The following AGBL1 variants were observed in gnomAD, a reference collection of about 807,000 sequenced individuals.
AGBL1 encodes the protein cytosolic carboxypeptidase 4.
A neutral mutation model predicts 118.9 loss-of-function variants in AGBL1; 130 were observed. The observed-to-expected ratio is 1.09, with a 90% CI of 0.95 to 1.26. The LOEUF is 1.26. AGBL1 is among the 50% of genes most tolerant of loss of function. AGBL1 has a pLI of 0.00. For missense variants in AGBL1, 1,584 were observed against 1,298.1 expected, an observed-to-expected ratio of 1.22 and a Z score of -3.38; for synonymous variants, 555 against 478.9, an observed-to-expected ratio of 1.16 and a Z score of -2.08.
Position 86,791,728 on chromosome 15 carries a change from T to TTATATATA in AGBL1, c.3159-115343_3159-115336dup, listed in dbSNP as rs3059670. Among the ~76,000 whole-genome samples, 239 of 142,890 alleles carry TTATATATA rather than the reference T, an allele frequency of 1.7e-3. 1 individual carries two copies. Among genetic ancestry groups the TTATATATA allele is most frequent in the East Asian group, 0.016 (78 of 4,874 alleles). The allele number at this position is 142,890 out of a possible 152,430, so 93.7% of individuals were successfully genotyped here. Reference sequence around the variant, plus strand: ...TTCTGAACTCATCTTTCCTTGTTTTTTATATATATATATATATATATATTT... The same window carrying TTATATATA: ...TTCTGAACTCATCTTTCCTTGTTTTTTATATATATATATATATATATATATATATATTT... On this transcript the variant is annotated intron_variant, in intron 22 of 22. Coordinates refer to ENST00000614907, the MANE Select transcript of AGBL1 (RefSeq NM_001386094.1).
At position 86,939,702 on chromosome 15, in the gene AGBL1, T is replaced by C. The variant is rs1012781402; in HGVS notation, c.3222-48285T>C. The stretch of plus-strand genomic sequence containing the variant: ...GTTTCCCTGCAGATATGCCAACTTA[T>C]GTGAGTTTGGGTAAGCATTTATCCT... On this transcript the variant is annotated intron_variant, in intron 23 of 24. Coordinates refer to the AGBL1 transcript ENST00000441037. 5.9e-5 allele frequency: 9 copies of C among 152,370 alleles called. No homozygotes were observed. In the South Asian group the frequency reaches 1.4e-3, roughly 25 times the overall value. 9.4% of individuals were successfully genotyped at this position (152,370 alleles called of 1,614,324 possible). A position where few individuals can be genotyped will look rare whatever the true frequency, so the allele number is the denominator to read the frequency against.
At chr15:86,436,296 G>A (rs1457630234) in intron 18 of AGBL1, among the ~76,000 whole-genome samples, 1 of 151,800 alleles carries the variant, frequency 6.6e-6, no homozygotes, top group Admixed American at 6.6e-5. Context: ...AGGTGGGGGA[G>A]AAAGGGCAGG....
chr15:86,079,726 C>T, upstream of AGBL1: 1 of 349,804 alleles, frequency 2.9e-6, no homozygotes, highest in African/African-American at 2.1e-5. Flanking sequence ...CCCACCCCTG[C>T]ACCCAAATGC....
rs530516969 is a variant in AGBL1, at chr15:86,968,036, C to T, written c.3222-19951C>T. ...GTTTGTTGTTCTCCTTGAAGAGGTC[C>T]GGGATTGAATCATTTCAAACAAAAT... On this transcript the variant is annotated intron_variant, in intron 23 of 24. Transcript: ENST00000441037. Among the ~76,000 whole-genome samples the T allele has an allele frequency of 1.6e-4, 25 of 151,968 alleles. 1 individual carries two copies. Among genetic ancestry groups the T allele is most frequent in the South Asian group, 4.2e-4 (2 of 4,818 alleles).
intron 23 of AGBL1, chr15:86,934,998 T>C (rs1049630525): frequency 2.0e-5 from 3 of 152,234 alleles, no homozygotes; most frequent in African/African-American, 7.2e-5. Context: ...AAATGTAGCA[T>C]TTAAGTTAAA....
chr15:86,927,848 A>G lies in AGBL1; in HGVS notation c.3222-60139A>G, dbSNP rs1401895920. Among the ~76,000 whole-genome samples, 3 of 152,156 alleles carry G rather than the reference A, an allele frequency of 2.0e-5. No homozygotes were observed. The South Asian group carries it at 6.2e-4, about 32-fold the overall frequency. On this transcript the variant is annotated intron_variant, in intron 23 of 24. Coordinates refer to the AGBL1 transcript ENST00000441037. ...ACAAACCTAGGTTGCAATATTGTGT[A>G]TTACCTGACCTCACCCTTCCCTTTA... is the stretch of plus-strand genomic sequence containing the variant.
intron 7 of AGBL1, among the ~76,000 whole-genome samples, chr15:86,248,807 A>G (rs1236362129): frequency 3.9e-5 from 6 of 152,212 alleles, no homozygotes; most frequent in South Asian, 2.1e-4. Context: ...TGTGAAATCA[A>G]TGAAGTAAGG....
chr15:86,306,616 G>T (rs1364019753), intron 17 of AGBL1, among the ~76,000 whole-genome samples: 1 of 152,132 alleles, frequency 6.6e-6, no homozygotes, highest in Non-Finnish European at 1.5e-5. Flanking sequence ...AAACAGTGCT[G>T]CAATGAACAT....
At chr15:86,285,069 A>T (rs1420639216) in intron 16 of AGBL1, among the ~76,000 whole-genome samples, 1 of 152,084 alleles carries the variant, frequency 6.6e-6, no homozygotes, top group African/African-American at 2.4e-5. Context: ...TCCCCACAAT[A>T]TCCAATTAGG....
At chr15:86,258,242 CATT>C (rs2078928672) in intron 9 of AGBL1, among the ~76,000 whole-genome samples, 1 of 152,190 alleles carries the variant, frequency 6.6e-6, no homozygotes, top group African/African-American at 2.4e-5. Flanking sequence ...TACAATGTCT[CATT>C]ATAAAGTCAG....
chr15:86,100,423 T>A (rs1896643296), intron 1 of AGBL1, among the ~76,000 whole-genome samples: 1 of 152,178 alleles, frequency 6.6e-6, no homozygotes, highest in Non-Finnish European at 1.5e-5. Context: ...TTTGGTAGAA[T>A]TCAGCAGTGA....
At chr15:86,647,174 CTTAATT>C (rs2085294690) in intron 21 of AGBL1, among the ~76,000 whole-genome samples, 1 of 151,882 alleles carries the variant, frequency 6.6e-6, no homozygotes, top group Non-Finnish European at 1.5e-5. Flanking sequence ...GTTTAAAAAT[CTTAATT>C]TTAATATCTT....
intron 6 of AGBL1, among the ~76,000 whole-genome samples, chr15:86,240,245 G>A (rs549717157): frequency 4.9e-4 from 74 of 152,292 alleles, no homozygotes; most frequent in African/African-American, 1.6e-3. Context: ...GAGCACATAG[G>A]AAATATTTAG....
At chr15:86,146,873 A>AT (rs1235345403) in intron 3 of AGBL1, among the ~76,000 whole-genome samples, 3 of 152,200 alleles carry the variant, frequency 2.0e-5, no homozygotes, top group Non-Finnish European at 4.4e-5. Context: ...CCAGAGGTAC[A>AT]TATCAGTAAA....
intron 22 of AGBL1, among the ~76,000 whole-genome samples, chr15:86,826,714 G>A (rs139140848): frequency 3.7e-4 from 56 of 152,240 alleles, no homozygotes; most frequent in African/African-American, 1.3e-3. Context: ...AGTAAGAAAT[G>A]CACTGGGGAT....
intron 22 of AGBL1, among the ~76,000 whole-genome samples, chr15:86,888,180 C>G (rs1406695849): frequency 3.9e-5 from 6 of 151,948 alleles, no homozygotes; most frequent in Non-Finnish European, 7.4e-5. Flanking sequence ...TGGACCAAGA[C>G]CAGTCCTGTT....
chr15:86,093,209 CAT>C (rs1265771576), intron 1 of AGBL1, among the ~76,000 whole-genome samples: 1 of 152,116 alleles, frequency 6.6e-6, no homozygotes, highest in African/African-American at 2.4e-5. Flanking sequence ...CACATAGAGC[CAT>C]TCTTCAACTC....
upstream of AGBL1, chr15:86,079,775 A>C (rs973178151): frequency 1.3e-5 from 5 of 385,700 alleles, no homozygotes; most frequent in Admixed American, 1.8e-4. Context: ...TAATCCCCAC[A>C]GTGGGAGTCG....
intron 18 of AGBL1, among the ~76,000 whole-genome samples, chr15:86,422,517 C>T (rs1289404191): frequency 6.6e-6 from 1 of 152,026 alleles, no homozygotes; most frequent in Non-Finnish European, 1.5e-5. Flanking sequence ...AATCGACAAG[C>T]TAACATCATA....
Sources: gnomAD v4.1 joint callset for allele counts (sites outside exome capture counted in the v4.1 genomes callset) on GRCh38, gnomAD v4.1.1 for gene constraint, MANE v1.5 for transcripts, NCBI Gene and HGNC (gene_info 2026-07-23, HGNC 2026-07-21) for gene names.